Variants in TIAM1 observed in about 807,000 individuals in gnomAD.
TIAM1 encodes rho guanine nucleotide exchange factor TIAM1.
In TIAM1, 65 loss-of-function variants were observed where a neutral mutation model predicts 163.5. The observed-to-expected ratio is 0.40, with a 90% confidence interval of 0.33 to 0.49. The LOEUF (loss-of-function observed/expected upper bound fraction) is 0.49, where lower values mean the gene tolerates loss of function less well. Among genes scored for constraint, TIAM1 ranks in the 20% least tolerant of loss-of-function variants. TIAM1 has a pLI of 0.77. For synonymous variants in TIAM1, 833 were observed against 810.1 expected (o/e 1.03, Z -0.48); for missense variants, 1,789 against 2,044.7 (o/e 0.87, Z 2.41).
chr21:31,191,133 G>C lies in TIAM1; in HGVS notation c.2576-4046C>G, dbSNP rs1019715595. Among the ~76,000 whole-genome samples the C allele has an allele frequency of 3.9e-5, 6 of 152,034 alleles. 1 individual carries two copies. The highest frequency in any genetic ancestry group is 2.0e-4 in the Admixed American group (3 of 15,250). Reference sequence around the variant, plus strand: ...CACGGAGAAGAAATGATTTAACTGAGCTTATTAGCCATGAGTGGCAGGCTT... The same window carrying C: ...CACGGAGAAGAAATGATTTAACTGACCTTATTAGCCATGAGTGGCAGGCTT... On this transcript the variant is annotated intron_variant, in intron 13 of 27. Transcript: ENST00000541036.
At chr21:31,245,409 A>C in intron 6 of TIAM1, 79 bp downstream of exon 6, 69 of 548,016 alleles carry the variant, frequency 1.3e-4, no homozygotes, top group Non-Finnish European at 1.8e-4. Flanking sequence ...CAGTGGAGGG[A>C]GACTGGGTGC....
chr21:31,349,160 C>A (rs753851206), upstream of TIAM1, among the ~76,000 whole-genome samples: 12 of 152,174 alleles, frequency 7.9e-5, no homozygotes, highest in Non-Finnish European at 1.8e-4. Flanking sequence ...GATTTTAAAG[C>A]CCCCATTGTT....
intron 25 of TIAM1, among the ~76,000 whole-genome samples, chr21:31,128,507 T>C (rs894653948): frequency 2.0e-5 from 3 of 152,166 alleles, no homozygotes; most frequent in Non-Finnish European, 4.4e-5. Context: ...GAAATAAACT[T>C]TCCCATTTGT....
At chr21:31,256,213 C>T (rs1327882026) in intron 4 of TIAM1, among the ~76,000 whole-genome samples, 1 of 152,172 alleles carries the variant, frequency 6.6e-6, no homozygotes, top group Admixed American at 6.5e-5. Context: ...ACTTCAAATA[C>T]TACCAAAGGG....
intron 2 of TIAM1, among the ~76,000 whole-genome samples, chr21:31,284,353 G>C (rs2073702874): frequency 1.3e-5 from 2 of 152,050 alleles, no homozygotes; most frequent in African/African-American, 4.8e-5. Flanking sequence ...GCCACCCTTA[G>C]GTCTCTTCCC....
At chr21:31,376,481 T>G (rs1432269346) in intron 2 of TIAM1, among the ~76,000 whole-genome samples, 1 of 152,174 alleles carries the variant, frequency 6.6e-6, no homozygotes, top group Non-Finnish European at 1.5e-5. Flanking sequence ...TGCGTGCTAA[T>G]GAAGGCAAAC....
chr21:31,496,981 G>A (rs1047921468), intron 1 of TIAM1, among the ~76,000 whole-genome samples: 1 of 152,152 alleles, frequency 6.6e-6, no homozygotes, highest in African/African-American at 2.4e-5. Context: ...TTCACAATAA[G>A]AGTTCGCACT....
chr21:31,120,614 CTCA>C lies in TIAM1; in HGVS notation c.4527_4529del (p.Asp1509del). 1 of 1,614,198 alleles carries C rather than the reference CTCA, an allele frequency of 6.2e-7. No homozygotes were observed. The highest frequency in any genetic ancestry group is 8.5e-7 in the Non-Finnish European group (1 of 1,180,040). Reference sequence around the variant, plus strand: ...AGGCACCCTTCACGGACTCACAGAACTCATCATCGTCACTGAGGATGTCTGTCT... The same window carrying C: ...AGGCACCCTTCACGGACTCACAGAACTCATCGTCACTGAGGATGTCTGTCT... On this transcript the variant is annotated inframe_deletion, in exon 28 of 28. Coordinates refer to ENST00000541036, the MANE Select transcript of TIAM1 (RefSeq NM_001353694.2). This position sits in a 1 kb window ranked among gnomAD's most constrained non-coding sequence, Gnocchi z 4.2.
intron 2 of TIAM1, among the ~76,000 whole-genome samples, chr21:31,415,873 C>G (rs978800269): frequency 6.6e-6 from 1 of 152,090 alleles, no homozygotes; most frequent in Admixed American, 6.6e-5. Context: ...CTGTCTCGGC[C>G]ACCTCCCAGG....
At chr21:31,430,454 G>C (rs896761051) in intron 2 of TIAM1, among the ~76,000 whole-genome samples, 30 of 151,754 alleles carry the variant, frequency 2.0e-4, no homozygotes, top group Non-Finnish European at 3.4e-4. Context: ...AAGGCCACCT[G>C]CAACACAACC....
chr21:31,126,958 T>G (rs2082222728), intron 26 of TIAM1, 107 bp downstream of exon 26: 2 of 1,042,644 alleles, frequency 1.9e-6, no homozygotes, highest in Non-Finnish European at 2.9e-6. Flanking sequence ...CTCAGTGATG[T>G]TACAGTACAA....
chr21:31,515,152 G>C (rs1317504611), intron 1 of TIAM1, among the ~76,000 whole-genome samples: 1 of 151,986 alleles, frequency 6.6e-6, no homozygotes. Flanking sequence ...ACCTTTCTTC[G>C]CTATCGACCC....
intron 1 of TIAM1, among the ~76,000 whole-genome samples, chr21:31,504,738 C>T (rs7278408): frequency 0.062 from 9,362 of 152,138 alleles, 748 homozygotes; most frequent in African/African-American, 0.18. Flanking sequence ...CCAAGTCATC[C>T]CTTTCTTCTT....
At chr21:31,468,680 G>GC (rs760757684) in intron 1 of TIAM1, among the ~76,000 whole-genome samples, 1 of 152,072 alleles carries the variant, frequency 6.6e-6, no homozygotes, top group Non-Finnish European at 1.5e-5. Flanking sequence ...GGAGGCTGAG[G>GC]CAGGAGAATG....
At chr21:31,189,858 A>G (rs769633474) in intron 13 of TIAM1, among the ~76,000 whole-genome samples, 16 of 152,240 alleles carry the variant, frequency 1.1e-4, no homozygotes, top group Non-Finnish European at 2.2e-4. Context: ...AACTGAATGA[A>G]GAACATAATG....
intron 27 of TIAM1, among the ~76,000 whole-genome samples, chr21:31,122,293 G>A (rs924659618): frequency 7.2e-5 from 11 of 152,128 alleles, no homozygotes; most frequent in African/African-American, 1.2e-4. Context: ...AACAAACTCT[G>A]ACTTCTATTG....
chr21:31,391,098 C>T (rs1467946457), intron 2 of TIAM1, among the ~76,000 whole-genome samples: 1 of 151,836 alleles, frequency 6.6e-6, no homozygotes, highest in Admixed American at 6.6e-5. Context: ...AGGTAGAGGA[C>T]GATGCTACGT....
intron 2 of TIAM1, among the ~76,000 whole-genome samples, chr21:31,313,092 C>T (rs529588248): frequency 6.6e-5 from 10 of 152,268 alleles, no homozygotes; most frequent in South Asian, 2.1e-4. Context: ...TAATAAGATA[C>T]GACAAGCCCA....
rs1225206609 is a variant in TIAM1 at position 31,543,505 on chromosome 21, C to A, written c.-422+15422G>T. On this transcript the variant is annotated intron_variant, in intron 1 of 28. Transcript: ENST00000286827. ...ACCCAAGCTAGACTATAACAACACA[C>A]AGAAAAGAAACATTGTAACGATTCA... 7.9e-5 allele frequency among the ~76,000 whole-genome samples: 9 copies of A among 113,852 alleles called. No individual in the cohort carries two copies. The South Asian group carries it at 1.8e-3, about 23-fold the overall frequency. 74.7% of individuals were successfully genotyped at this position (113,852 alleles called of 152,430 possible).
Sources: allele counts gnomAD v4.1 joint callset (sites outside exome capture counted in the v4.1 genomes callset), GRCh38; gene constraint gnomAD v4.1.1; non-coding constraint Gnocchi (gnomAD v3.1); transcripts MANE v1.5; gene names NCBI Gene and HGNC (gene_info 2026-07-23, HGNC 2026-07-21).